The following TENM3 variants were observed in gnomAD, a reference collection of about 807,000 sequenced individuals.
TENM3 encodes teneurin transmembrane protein 3, also known as teneurin-3.
TENM3 carries 63 observed loss-of-function variants against 255.1 expected under a neutral mutation model. The ratio of observed to expected loss-of-function variants is 0.25; its 90% CI spans 0.20 to 0.30. TENM3 has a LOEUF of 0.30. Among genes scored for constraint, TENM3 ranks in the 10% least tolerant of loss-of-function variants. TENM3 has a pLI of 1.00. For synonymous variants in TENM3, 1,306 were observed against 1,322.3 expected, an observed-to-expected ratio of 0.99 and a Z score of 0.27; for missense variants, 2,929 against 3,461.1, an observed-to-expected ratio of 0.85 and a Z score of 3.86.
intron 1 of TENM3, among the ~76,000 whole-genome samples, chr4:182,252,621 G>A (rs1371910048): frequency 1.3e-5 from 2 of 152,014 alleles, no homozygotes; most frequent in Non-Finnish European, 2.9e-5. Context: ...GTTACGTAGA[G>A]GCTTATCCTA....
chr4:181,859,675 A>G, the TENM3 span, among the ~76,000 whole-genome samples: 1 of 152,192 alleles, frequency 6.6e-6, no homozygotes, highest in Non-Finnish European at 1.5e-5. Context: ...TACTTTGACA[A>G]CCAATTATCC....
intron 22 of TENM3, among the ~76,000 whole-genome samples, chr4:182,761,810 T>C (rs1342038736): frequency 6.6e-6 from 1 of 152,238 alleles, no homozygotes; most frequent in East Asian, 1.9e-4. Flanking sequence ...TTTAGTAGAA[T>C]CAAATAGTTT....
intron 1 of TENM3, among the ~76,000 whole-genome samples, chr4:182,163,053 C>A (rs1751462268): frequency 6.6e-6 from 1 of 152,146 alleles, no homozygotes; most frequent in Non-Finnish European, 1.5e-5. Context: ...AGCTTAAGAG[C>A]CATCTTCAAG....
the TENM3 span, among the ~76,000 whole-genome samples, chr4:181,947,345 AG>A: frequency 6.6e-6 from 1 of 152,220 alleles, no homozygotes; most frequent in African/African-American, 2.4e-5. Flanking sequence ...CCATTAGAAA[AG>A]ACAGATTTAT....
At chr4:181,634,850 G>A in the TENM3 span, among the ~76,000 whole-genome samples, 1 of 152,108 alleles carries the variant, frequency 6.6e-6, no homozygotes, top group South Asian at 2.1e-4. Context: ...TTTCATTTTA[G>A]TTTTTGAAAT....
the TENM3 span, among the ~76,000 whole-genome samples, chr4:181,526,187 A>G: frequency 6.6e-6 from 1 of 152,068 alleles, no homozygotes; most frequent in African/African-American, 2.4e-5. Flanking sequence ...GAAGGAAATC[A>G]TTCTTTCAAC....
chr4:181,835,729 T>C, the TENM3 span, among the ~76,000 whole-genome samples: 1 of 152,222 alleles, frequency 6.6e-6, no homozygotes, highest in Non-Finnish European at 1.5e-5. Flanking sequence ...CCTTGGTGTT[T>C]TTTAGTTATC....
At chr4:182,455,646 C>T (rs966833088) in intron 3 of TENM3, among the ~76,000 whole-genome samples, 4 of 150,690 alleles carry the variant, frequency 2.7e-5, no homozygotes, top group African/African-American at 9.8e-5. Flanking sequence ...ACTGCAGCCT[C>T]CGCCTCCCGG....
the TENM3 span, among the ~76,000 whole-genome samples, chr4:181,492,039 A>G: frequency 1.3e-5 from 2 of 152,166 alleles, no homozygotes; most frequent in African/African-American, 4.8e-5. Context: ...TAGTAGTAGT[A>G]GGTAAACTTT....
the TENM3 span, among the ~76,000 whole-genome samples, chr4:181,878,276 T>C: frequency 6.6e-6 from 1 of 150,924 alleles, no homozygotes; most frequent in Non-Finnish European, 1.5e-5. Flanking sequence ...AGGTAACATA[T>C]TGTATAATTA....
the TENM3 span, among the ~76,000 whole-genome samples, chr4:182,087,229 AT>A: frequency 2.0e-5 from 3 of 152,234 alleles, no homozygotes; most frequent in Admixed American, 6.5e-5. Flanking sequence ...ACACTTACTA[AT>A]TAAAAGAAGG....
the TENM3 span, among the ~76,000 whole-genome samples, chr4:181,973,649 T>C: frequency 6.6e-6 from 1 of 152,186 alleles, no homozygotes. Context: ...TAATCCAAGC[T>C]ACTCAGGAAG....
intron 3 of TENM3, among the ~76,000 whole-genome samples, chr4:182,407,734 T>A (rs1235241549): frequency 6.6e-6 from 1 of 152,222 alleles, no homozygotes; most frequent in Non-Finnish European, 1.5e-5. Context: ...TTGTTCAAGA[T>A]ATATTGCATC....
the TENM3 span, among the ~76,000 whole-genome samples, chr4:181,632,359 G>C: frequency 6.6e-6 from 1 of 152,072 alleles, no homozygotes; most frequent in Non-Finnish European, 1.5e-5. Context: ...CTGACATTGG[G>C]GGATTAAAAT....
At chr4:181,721,505 C>G in the TENM3 span, among the ~76,000 whole-genome samples, 1 of 101,400 alleles carries the variant, frequency 9.9e-6, no homozygotes, top group Non-Finnish European at 1.9e-5. Context: ...GAGGCTGAGG[C>G]AGGAGAATGG....
chr4:181,668,583 T>G, the TENM3 span, among the ~76,000 whole-genome samples: 1 of 152,114 alleles, frequency 6.6e-6, no homozygotes, highest in African/African-American at 2.4e-5. Context: ...TTCTTGTAGG[T>G]GTGTCTGTGC....
Position 182,793,675 on chromosome 4 carries a change from G to A in TENM3, c.7003G>A (p.Val2335Ile). The A allele has an allele frequency of 6.2e-7, 1 of 1,613,948 alleles. No homozygotes were observed. Among genetic ancestry groups the A allele is most frequent in the East Asian group, 2.2e-5 (1 of 44,884 alleles). The change falls in exon 26 of 28, where the codon GTA (valine) becomes ATA (isoleucine). Residue 2335 changes from valine to isoleucine, a missense_variant. By Grantham distance (29) the Val-to-Ile change is conservative (BLOSUM62 3). Coordinates refer to ENST00000511685, the MANE Select transcript of TENM3 (RefSeq NM_001080477.4). This position sits in a 1 kb window ranked among gnomAD's most constrained non-coding sequence, Gnocchi z 5.7. The stretch of plus-strand genomic sequence containing the variant: ...TGACTCTAATATTGACTTTCAACTG[G>A]TAATTGGATTTCATGGTGGCCTGTA... ...YFDSNIDFQL[V>I]IGFHGGLYDP...
At chr4:182,081,477 G>A in the TENM3 span, among the ~76,000 whole-genome samples, 14 of 151,758 alleles carry the variant, frequency 9.2e-5, no homozygotes, top group African/African-American at 2.9e-4. Context: ...CCAGCTACTC[G>A]GGAGGCTGAG....
the TENM3 span, among the ~76,000 whole-genome samples, chr4:181,518,899 C>T: frequency 6.6e-6 from 1 of 152,140 alleles, no homozygotes; most frequent in Non-Finnish European, 1.5e-5. Context: ...AACAAAGCAC[C>T]TGGGTTCTAA....
Sources: allele counts gnomAD v4.1 joint callset (sites outside exome capture counted in the v4.1 genomes callset), GRCh38; gene constraint gnomAD v4.1.1; non-coding constraint Gnocchi (gnomAD v3.1); transcripts MANE v1.5; gene names NCBI Gene and HGNC (gene_info 2026-07-23, HGNC 2026-07-21).